The following RBFOX1 variants were observed in gnomAD, a reference collection of about 807,000 sequenced individuals.
RBFOX1 encodes RNA binding fox-1 homolog 1.
RBFOX1 carries 8 observed loss-of-function variants against 57.7 expected under a neutral mutation model. The ratio of observed to expected loss-of-function variants is 0.14; its 90% CI spans 0.08 to 0.25. The LOEUF (loss-of-function observed/expected upper bound fraction) is 0.25, where lower values mean the gene tolerates loss of function less well. Ranked by LOEUF, RBFOX1 falls within the 10% of genes least tolerant of loss-of-function variation. The pLI is 1.00. For missense variants in RBFOX1, 611 were observed against 548.5 expected (o/e 1.11, Z -1.14); for synonymous variants, 326 against 222.4 (o/e 1.47, Z -4.15).
At chr16:6,431,888 G>GCTTGCTTGCTTGCTTGCTTGCTTGCTTT (rs2094098882) in intron 2 of RBFOX1, among the ~76,000 whole-genome samples, 2 of 109,840 alleles carry the variant, frequency 1.8e-5, no homozygotes, top group African/African-American at 7.4e-5. Context: ...AAATATGCTT[G>GCTTGCTTGCTTGCTTGCTTGCTTGCTTT]CTTGCTTGCT....
At chr16:7,505,567 G>T (rs1266485210) in intron 4 of RBFOX1, among the ~76,000 whole-genome samples, 2 of 152,312 alleles carry the variant, frequency 1.3e-5, no homozygotes, top group East Asian at 3.9e-4. Flanking sequence ...TTTATTGTCA[G>T]TGACTTTTAA....
intron 4 of RBFOX1, among the ~76,000 whole-genome samples, chr16:7,286,314 A>T (rs1005027708): frequency 6.6e-6 from 1 of 152,162 alleles, no homozygotes; most frequent in African/African-American, 2.4e-5. Flanking sequence ...GCATCATACA[A>T]ACATCATGTG....
intron 3 of RBFOX1, among the ~76,000 whole-genome samples, chr16:5,812,355 C>T (rs1329871621): frequency 6.6e-6 from 1 of 152,146 alleles, no homozygotes; most frequent in Non-Finnish European, 1.5e-5. Flanking sequence ...TAAGAAACTT[C>T]CAAACTGTTT....
chr16:7,451,685 C>T (rs28452640), intron 4 of RBFOX1, among the ~76,000 whole-genome samples: 34 of 125,978 alleles, frequency 2.7e-4, no homozygotes, highest in East Asian at 1.6e-3. Flanking sequence ...CCCCTCCCCC[C>T]GCCCCGTATT....
intron 1 of RBFOX1, chr16:6,039,098 A>C (rs1209597895): frequency 6.6e-6 from 1 of 151,550 alleles, no homozygotes; most frequent in South Asian, 2.1e-4. Context: ...AACTGTGTGC[A>C]TAGCGGGGAG....
chr16:6,314,874 C>T (rs968851527), intron 1 of RBFOX1, among the ~76,000 whole-genome samples: 8 of 152,164 alleles, frequency 5.3e-5, no homozygotes, highest in Admixed American at 3.9e-4. Context: ...TATTTCTATT[C>T]TAATTATTCT....
At position 6,496,843 on chromosome 16, in the gene RBFOX1, C is replaced by G. The variant is rs539189127; in HGVS notation, c.-63-157760C>G. On this transcript the variant is annotated intron_variant, in intron 2 of 15. Coordinates refer to ENST00000550418, the MANE Select transcript of RBFOX1 (RefSeq NM_018723.4). ...GGTGTGATGGCGGGTGCCTGTAATC[C>G]CAGCTACTCGGGAGGCTGAGGCAGG... Among the ~76,000 whole-genome samples the G allele has an allele frequency of 3.3e-5, 5 of 151,958 alleles. No homozygotes were observed. The East Asian group carries it at 5.8e-4, about 18-fold the overall frequency.
At chr16:6,740,314 G>C (rs1258150162) in intron 3 of RBFOX1, among the ~76,000 whole-genome samples, 1 of 152,100 alleles carries the variant, frequency 6.6e-6, no homozygotes, top group African/African-American at 2.4e-5. Flanking sequence ...TGTGTATAAT[G>C]GTACAAATGA....
chr16:7,333,352 G>T (rs1472046735), intron 4 of RBFOX1, among the ~76,000 whole-genome samples: 1 of 152,152 alleles, frequency 6.6e-6, no homozygotes, highest in East Asian at 1.9e-4. Context: ...AGCTTCAGGA[G>T]GTTGACCACG....
chr16:5,521,780 T>C (rs1480144951), intron 2 of RBFOX1, among the ~76,000 whole-genome samples: 2 of 152,222 alleles, frequency 1.3e-5, no homozygotes, highest in East Asian at 1.9e-4. Flanking sequence ...CATTTCAAAC[T>C]GCACTGCAAT....
chr16:6,339,649 T>TTTTTATTTTATTTTATTTTA (rs150077063), intron 2 of RBFOX1, among the ~76,000 whole-genome samples: 1 of 145,196 alleles, frequency 6.9e-6, no homozygotes, highest in African/African-American at 2.6e-5. Flanking sequence ...ATTCCTTTAT[T>TTTTTATTTTATTTTATTTTA]TTTTATTTTA....
At chr16:6,360,312 G>A (rs573984465) in intron 2 of RBFOX1, among the ~76,000 whole-genome samples, 2 of 151,738 alleles carry the variant, frequency 1.3e-5, no homozygotes, top group South Asian at 2.1e-4. Flanking sequence ...CAAAATTCTC[G>A]CAAGAAAAAC....
intron 2 of RBFOX1, among the ~76,000 whole-genome samples, chr16:6,519,487 G>A (rs2096458454): frequency 6.6e-6 from 1 of 152,052 alleles, no homozygotes; most frequent in African/African-American, 2.4e-5. Context: ...GATCACCTGA[G>A]GTCAAGAGTT....
At chr16:5,818,294 C>G (rs1048432966) in intron 3 of RBFOX1, among the ~76,000 whole-genome samples, 3 of 152,146 alleles carry the variant, frequency 2.0e-5, no homozygotes, top group Admixed American at 6.5e-5. Context: ...AGACCATTAC[C>G]CCGGCAGGAA....
At chr16:6,768,343 A>T (rs926603309) in intron 3 of RBFOX1, among the ~76,000 whole-genome samples, 20 of 151,658 alleles carry the variant, frequency 1.3e-4, no homozygotes, top group Admixed American at 4.6e-4. Flanking sequence ...TATTTCAAAA[A>T]TTTTTTTTCT....
intron 4 of RBFOX1, among the ~76,000 whole-genome samples, chr16:5,891,483 C>A (rs139016483): frequency 2.0e-5 from 3 of 152,214 alleles, no homozygotes; most frequent in African/African-American, 7.2e-5. Context: ...TTAAAATAGA[C>A]AAACTAATTG....
At chr16:5,943,705 G>A (rs1451086452) in intron 4 of RBFOX1, among the ~76,000 whole-genome samples, 1 of 152,184 alleles carries the variant, frequency 6.6e-6, no homozygotes, top group African/African-American at 2.4e-5. Flanking sequence ...GATCTGAAGA[G>A]GCTGAATGTA....
At position 6,850,546 on chromosome 16, in the gene RBFOX1, G is replaced by C. The variant is rs4786125; in HGVS notation, c.-16+195896G>C. ...TGGAGGAAGAAACAAGGCCAGATCTGTACCCACACAGCTAAGATTATATCC... is the reference window on the plus strand; with the variant it reads ...TGGAGGAAGAAACAAGGCCAGATCTCTACCCACACAGCTAAGATTATATCC... On this transcript the variant is annotated intron_variant, in intron 3 of 15. Coordinates refer to ENST00000550418, the MANE Select transcript of RBFOX1 (RefSeq NM_018723.4). Among the ~76,000 whole-genome samples, 73 of 151,964 alleles carry C rather than the reference G, an allele frequency of 4.8e-4. 1 individual carries two copies. The highest frequency in any genetic ancestry group is 7.6e-4 in the Non-Finnish European group (52 of 67,992).
intron 2 of RBFOX1, among the ~76,000 whole-genome samples, chr16:6,360,691 G>A (rs772342782): frequency 6.6e-6 from 1 of 152,160 alleles, no homozygotes; most frequent in Non-Finnish European, 1.5e-5. Flanking sequence ...AATCATCACA[G>A]AAATTCATTG....
Sources: allele counts gnomAD v4.1 joint callset (sites outside exome capture counted in the v4.1 genomes callset), GRCh38; gene constraint gnomAD v4.1.1; transcripts MANE v1.5; gene names NCBI Gene and HGNC (gene_info 2026-07-23, HGNC 2026-07-21).